AGAP6: variants seen among roughly 807,000 people sequenced by gnomAD.
The protein encoded by AGAP6 is arf-GAP with GTPase, ANK repeat and PH domain-containing protein 6.
Under a neutral mutation model 63.9 loss-of-function variants are expected in AGAP6, and 29 were observed. The ratio of observed to expected loss-of-function variants is 0.45; its 90% CI spans 0.34 to 0.62. AGAP6 has a LOEUF of 0.62. Among genes scored for constraint, AGAP6 ranks in the 20% least tolerant of loss-of-function variants. The pLI is 0.01. For missense variants in AGAP6, 493 were observed against 884.9 expected, an observed-to-expected ratio of 0.56 and a Z score of 5.62; for synonymous variants, 199 against 332.9, an observed-to-expected ratio of 0.60 and a Z score of 4.38.
chr10:50,004,003 T>G (rs71501489), intron 5 of AGAP6, among the ~76,000 whole-genome samples: 28,949 of 152,174 alleles, frequency 0.19, 3,304 homozygotes, highest in Non-Finnish European at 0.27. Context: ...AGATTTGCCT[T>G]CCCTCAGTTG....
At chr10:50,006,874 T>C (rs1179945909) in intron 6 of AGAP6, among the ~76,000 whole-genome samples, 3 of 119,702 alleles carry the variant, frequency 2.5e-5, no homozygotes, top group Non-Finnish European at 6.3e-5. Context: ...TCTTACGAAA[T>C]TCAGGCTATG....
chr10:49,996,665 A>G (rs1841499858), intron 4 of AGAP6, among the ~76,000 whole-genome samples: 1 of 149,484 alleles, frequency 6.7e-6, no homozygotes, highest in Non-Finnish European at 1.5e-5. Context: ...GAGAACACAC[A>G]TCTAAGTTTC....
rs1554865235 is a variant in AGAP6 at position 50,009,653 on chromosome 10, G to A, written c.1528G>A (p.Gly510Ser). ...IECSGIHRSL[G>S]PHLSRVRSLE... ...ATGCTCAGGTATCCACCGCAGTCTT[G>A]GCCCCCACCTTTCCCGTGTGCGATC... Residue 510 changes from glycine to serine, a missense_variant, in exon 8 of 8, where the codon GGC becomes AGC. This residue lies in a region of AGAP6 where 87 missense variants were observed against 92.9 expected (regional missense o/e 0.94). Coordinates refer to ENST00000412531, the MANE Select transcript of AGAP6 (RefSeq NM_001077665.3). 1.2e-6 allele frequency: 2 copies of A among 1,614,198 alleles called. No individual in the cohort carries two copies. Among genetic ancestry groups the A allele is most frequent in the Non-Finnish European group, 1.7e-6 (2 of 1,180,034 alleles).
rs571406461 is a variant in AGAP6 at position 49,992,766 on chromosome 10, T to G, written c.361+1022T>G. 8.5e-5 allele frequency among the ~76,000 whole-genome samples: 13 copies of G among 152,076 alleles called. No homozygotes were observed. The South Asian group carries it at 2.7e-3, about 32-fold the overall frequency. ...GGGAAGGGGGAAGGTACCACACTTTTTTTTTTTTGTTTTGATATGGAGTCT... is the reference window on the plus strand; with the variant it reads ...GGGAAGGGGGAAGGTACCACACTTTGTTTTTTTTGTTTTGATATGGAGTCT... On this transcript the variant is annotated intron_variant, in intron 3 of 7. Coordinates refer to ENST00000412531, the MANE Select transcript of AGAP6 (RefSeq NM_001077665.3).
chr10:49,995,509 T>C (rs1841450110), intron 4 of AGAP6, among the ~76,000 whole-genome samples: 1 of 152,258 alleles, frequency 6.6e-6, no homozygotes, highest in Non-Finnish European at 1.5e-5. Flanking sequence ...ATTTTCCATC[T>C]GCAAAAGCAC....
chr10:50,006,935 G>A (rs1312507427), intron 6 of AGAP6, among the ~76,000 whole-genome samples: 2 of 151,894 alleles, frequency 1.3e-5, no homozygotes, highest in African/African-American at 4.8e-5. Flanking sequence ...TAATGTAATT[G>A]GTACCACTGC....
chr10:49,997,394 G>A (rs182661533), intron 4 of AGAP6, among the ~76,000 whole-genome samples: 1,642 of 152,296 alleles, frequency 0.011, 17 homozygotes, highest in Non-Finnish European at 0.017. Context: ...ACCTACTCAG[G>A]AGGCTGAGGC....
At chr10:49,993,037 C>T (rs2132122652) in intron 3 of AGAP6, among the ~76,000 whole-genome samples, 1 of 152,246 alleles carries the variant, frequency 6.6e-6, no homozygotes, top group African/African-American at 2.4e-5. Flanking sequence ...GCTGGGATTA[C>T]AGGCTTCAGC....
At chr10:49,989,545 A>G (rs1841187756) in intron 2 of AGAP6, among the ~76,000 whole-genome samples, 169 bp downstream of exon 2, 1 of 152,142 alleles carries the variant, frequency 6.6e-6, no homozygotes, top group South Asian at 2.1e-4. Flanking sequence ...TGAAGGAACC[A>G]GGTAAGTGCC....
Position 49,994,415 on chromosome 10 carries a change from A to T in AGAP6, c.382A>T (p.Asn128Tyr), listed in dbSNP as rs201486718. The T allele has an allele frequency of 1.3e-6, 2 of 1,534,920 alleles. No individual in the cohort carries two copies. Among genetic ancestry groups the T allele is most frequent in the Non-Finnish European group, 1.8e-6 (2 of 1,135,476 alleles). The change falls in exon 4 of 8, where the codon AAC becomes TAC. Residue 128 changes from asparagine to tyrosine, a missense_variant. By Grantham distance (143) the Asn-to-Tyr change is moderately radical. This residue lies in a region of AGAP6 where 342 missense variants were observed against 533.4 expected (regional missense o/e 0.64). Coordinates refer to ENST00000412531, the MANE Select transcript of AGAP6 (RefSeq NM_001077665.3). Reference protein sequence around the residue: ...QTDVVEIRRSNCTNHVSAVRF... With the variant: ...QTDVVEIRRSYCTNHVSAVRF... ...CTTAGTTGTAGAAATAAGAAGAAGCAACTGTACAAACCATGTAAGTAAACA... is the reference window on the plus strand; with the variant it reads ...CTTAGTTGTAGAAATAAGAAGAAGCTACTGTACAAACCATGTAAGTAAACA...
rs782540019 is a variant in AGAP6 at position 49,991,748 on chromosome 10, A to T, written c.361+4A>T. ...CAGAGGAACTCTCAAACAGATGGTG[A>T]GACGACATTGTCTTTTCCACCAAGA... On this transcript the variant is annotated splice_donor_region_variant and intron_variant, in intron 3 of 7. Transcript: ENST00000412531. 6.3e-7 allele frequency: 1 copy of T among 1,598,502 alleles called. No homozygotes were observed. The highest frequency in any genetic ancestry group is 8.5e-7 in the Non-Finnish European group (1 of 1,179,752).
intron 3 of AGAP6, among the ~76,000 whole-genome samples, chr10:49,992,245 T>C (rs1212215786): frequency 8.0e-4 from 121 of 152,060 alleles, no homozygotes; most frequent in African/African-American, 2.8e-3. Flanking sequence ...TCCAAGTTCA[T>C]GCTACTCAAA....
At position 49,998,016 on chromosome 10, in the gene AGAP6, G is replaced by A. The variant is rs1177009075; in HGVS notation, c.396+3587G>A. 1.6e-5 allele frequency among the ~76,000 whole-genome samples: 2 copies of A among 123,264 alleles called. 1 individual carries two copies. Among genetic ancestry groups the A allele is most frequent in the African/African-American group, 6.5e-5 (2 of 30,918 alleles). 80.9% of individuals were successfully genotyped at this position (123,264 alleles called of 152,430 possible). On this transcript the variant is annotated intron_variant, in intron 4 of 7. Coordinates refer to ENST00000412531, the MANE Select transcript of AGAP6 (RefSeq NM_001077665.3). ...CATATATATATATATATATATATATGTATGTATATCACGGTTTCTTTATCC... is the reference window on the plus strand; with the variant it reads ...CATATATATATATATATATATATATATATGTATATCACGGTTTCTTTATCC...
In AGAP6 at chr10:50,009,678, C is replaced by A. The variant is rs782445748; in HGVS notation, c.1553C>A (p.Ser518Tyr). ...SLGPHLSRVR[S>Y]LELDDWPVEL... ...GGCCCCCACCTTTCCCGTGTGCGAT[C>A]TCTGGAGCTGGATGACTGGCCAGTT... Residue 518 changes from serine to tyrosine, a missense_variant, in exon 8 of 8, where the codon TCT (serine) becomes TAT (tyrosine). Ser to Tyr is a moderately radical substitution (Grantham distance 144). This residue lies in a region of AGAP6 where 87 missense variants were observed against 92.9 expected (regional missense o/e 0.94). Coordinates refer to ENST00000412531, the MANE Select transcript of AGAP6 (RefSeq NM_001077665.3). 6.2e-7 allele frequency: 1 copy of A among 1,614,242 alleles called. No homozygotes were observed. The highest frequency in any genetic ancestry group is 1.1e-5 in the South Asian group (1 of 91,092).
chr10:50,009,303 C>G lies in AGAP6; in HGVS notation c.1178C>G (p.Pro393Arg). 6.2e-7 allele frequency: 1 copy of G among 1,614,198 alleles called. No homozygotes were observed. Among genetic ancestry groups the G allele is most frequent in the Non-Finnish European group, 8.5e-7 (1 of 1,180,044 alleles). Residue 393 changes from proline (P) to arginine (R), a missense_variant, in exon 8 of 8, where the codon CCC becomes CGC. Physicochemically the swap from Pro to Arg is moderately radical, Grantham distance 103. Transcript: ENST00000412531. ...STTSPKLNPP[P>R]SPHANKKKHL... ...ACCAGCCCCAAGCTCAACCCGCCCCCCTCTCCTCATGCTAATAAAAAGAAA... is the reference window on the plus strand; with the variant it reads ...ACCAGCCCCAAGCTCAACCCGCCCCGCTCTCCTCATGCTAATAAAAAGAAA...
chr10:49,991,913 T>G (rs537223166), intron 3 of AGAP6, among the ~76,000 whole-genome samples, 169 bp downstream of exon 3: 19 of 152,186 alleles, frequency 1.2e-4, no homozygotes, highest in South Asian at 1.0e-3. Context: ...GTTATGATGT[T>G]AGTGAAAACG....
At chr10:49,990,283 A>G (rs1841216579) in intron 2 of AGAP6, among the ~76,000 whole-genome samples, 1 of 151,222 alleles carries the variant, frequency 6.6e-6, no homozygotes, top group African/African-American at 2.4e-5. Context: ...TACTAAAAAA[A>G]AAAATACAAA....
rs1286779195 is a variant in AGAP6, at chr10:50,010,334, TG to T, written c.*149del. 6.8e-7 allele frequency: 1 copy of T among 1,476,746 alleles called. No individual in the cohort carries two copies. 91.5% of individuals were successfully genotyped at this position (1,476,746 alleles called of 1,614,324 possible). A position where few individuals can be genotyped will look rare whatever the true frequency, so the allele number is the denominator to read the frequency against. On this transcript the variant is annotated 3_prime_UTR_variant, in exon 8 of 8. Transcript: ENST00000412531. ...TAAACTAAGTAAATACACAAAATGT[TG>T]ATTTTTCTGACCATAAGACGTATTT...
At chr10:49,994,039 A>G (rs71508025) in intron 3 of AGAP6, among the ~76,000 whole-genome samples, 17 of 152,174 alleles carry the variant, frequency 1.1e-4, no homozygotes, top group Non-Finnish European at 1.9e-4. Context: ...TAAGCTATGT[A>G]TAAATGCAGA....
Sources: allele counts gnomAD v4.1 joint callset (sites outside exome capture counted in the v4.1 genomes callset), GRCh38; gene constraint gnomAD v4.1.1; regional missense constraint gnomAD v4.1.1; transcripts MANE v1.5; gene names NCBI Gene and HGNC (gene_info 2026-07-23, HGNC 2026-07-21).